Variants in BCKDHB observed in about 807,000 individuals in gnomAD.
BCKDHB encodes the protein branched chain keto acid dehydrogenase E1 subunit beta.
In BCKDHB, 41 loss-of-function variants were observed where a neutral mutation model predicts 48.5. The observed-to-expected ratio is 0.85, with a 90% CI of 0.66 to 1.10. The LOEUF (loss-of-function observed/expected upper bound fraction) is 1.10. Ranked by LOEUF, BCKDHB falls within the 50% of genes least tolerant of loss-of-function variation. The pLI, the probability that BCKDHB is intolerant of heterozygous loss-of-function variation, is 0.00. For synonymous variants in BCKDHB, 201 were observed against 174.8 expected (o/e 1.15, Z -1.18); for missense variants, 496 against 494.2 (o/e 1.00, Z -0.03).
At chr6:80,384,919 C>G in the BCKDHB span, among the ~76,000 whole-genome samples, 548 of 152,188 alleles carry the variant, frequency 3.6e-3, 3 homozygotes, top group Admixed American at 4.9e-3. Flanking sequence ...TGATTAGACT[C>G]CAAATTCTTA....
intron 9 of BCKDHB, chr6:80,307,834 A>G (rs779125638): frequency 2.9e-5 from 29 of 984,772 alleles, no homozygotes; most frequent in African/African-American, 5.2e-5. Flanking sequence ...GAATGTGTCT[A>G]TATGTGTTTT....
At chr6:80,437,772 C>T in the BCKDHB span, among the ~76,000 whole-genome samples, 1 of 152,170 alleles carries the variant, frequency 6.6e-6, no homozygotes, top group African/African-American at 2.4e-5. Context: ...CATAAATTTT[C>T]ATCAAACACT....
chr6:80,265,442 G>T (rs957623352), intron 8 of BCKDHB, among the ~76,000 whole-genome samples: 4 of 152,064 alleles, frequency 2.6e-5, no homozygotes, highest in Admixed American at 6.6e-5. Context: ...GTGAAATAAG[G>T]CAGTCACAAG....
chr6:80,363,775 T>C, the BCKDHB span, among the ~76,000 whole-genome samples: 1 of 152,220 alleles, frequency 6.6e-6, no homozygotes, highest in Non-Finnish European at 1.5e-5. Context: ...TCTTTTAAAA[T>C]AGACTTAACT....
At chr6:80,247,047 A>G (rs999845181) in intron 8 of BCKDHB, among the ~76,000 whole-genome samples, 13 of 152,334 alleles carry the variant, frequency 8.5e-5, no homozygotes, top group South Asian at 8.3e-4. Flanking sequence ...TGCCATATCT[A>G]TGAGTAACTT....
intron 9 of BCKDHB, among the ~76,000 whole-genome samples, chr6:80,318,188 A>T (rs968198386): frequency 4.6e-5 from 7 of 152,348 alleles, no homozygotes; most frequent in African/African-American, 1.7e-4. Context: ...AAATTTATTT[A>T]TTCAATTAAT....
chr6:80,416,816 A>G, the BCKDHB span, among the ~76,000 whole-genome samples: 2 of 149,596 alleles, frequency 1.3e-5, no homozygotes, highest in African/African-American at 4.9e-5. Context: ...AGTTTTAGGT[A>G]TTCTGGGTTT....
At chr6:80,377,027 A>G in the BCKDHB span, among the ~76,000 whole-genome samples, 13 of 141,768 alleles carry the variant, frequency 9.2e-5, no homozygotes, top group East Asian at 2.5e-3. Context: ...CCTTTGAATT[A>G]TAAAGGCTTT....
intron 6 of BCKDHB, among the ~76,000 whole-genome samples, chr6:80,190,052 C>G (rs2127804042): frequency 6.6e-6 from 1 of 152,118 alleles, no homozygotes; most frequent in Non-Finnish European, 1.5e-5. Flanking sequence ...ATACAGATTT[C>G]TAATGGAGGA....
chr6:80,210,627 C>T (rs747699384), intron 8 of BCKDHB, among the ~76,000 whole-genome samples: 8 of 152,108 alleles, frequency 5.3e-5, no homozygotes, highest in Non-Finnish European at 1.2e-4. Context: ...CTGTTTAATT[C>T]ATTTCCTTTA....
chr6:80,135,834 C>G (rs1770858581), intron 3 of BCKDHB: 1 of 152,166 alleles, frequency 6.6e-6, no homozygotes. Context: ...TCCCCATTTT[C>G]TCTCCAACAG....
intron 3 of BCKDHB, among the ~76,000 whole-genome samples, chr6:80,138,488 C>A (rs1420859701): frequency 2.0e-5 from 3 of 152,016 alleles, no homozygotes; most frequent in Non-Finnish European, 4.4e-5. Context: ...GTTCCCCGTC[C>A]TGTGTCCATG....
At chr6:80,235,883 A>G (rs533941811) in intron 8 of BCKDHB, among the ~76,000 whole-genome samples, 32 of 152,196 alleles carry the variant, frequency 2.1e-4, no homozygotes, top group Non-Finnish European at 3.5e-4. Flanking sequence ...GGCACTGGGA[A>G]CAACTGGTCA....
the BCKDHB span, among the ~76,000 whole-genome samples, chr6:80,396,339 ATCC>A: frequency 6.6e-6 from 1 of 152,334 alleles, no homozygotes; most frequent in South Asian, 2.1e-4. Flanking sequence ...CAATACCTCT[ATCC>A]TCATTATATC....
chr6:80,167,636 T>A (rs1461888939), intron 3 of BCKDHB, 42 bp from the exon 4 acceptor site: 1 of 1,546,680 alleles, frequency 6.5e-7, no homozygotes, highest in Non-Finnish European at 8.9e-7. Context: ...ATGACATTAC[T>A]CTCATTTGCC....
chr6:80,369,097 G>A, the BCKDHB span, among the ~76,000 whole-genome samples: 5 of 67,128 alleles, frequency 7.4e-5, no homozygotes, highest in African/African-American at 2.3e-4. Context: ...ACTGGCTACT[G>A]TCTTATTATT....
chr6:80,217,969 C>A (rs1775247437), intron 8 of BCKDHB, among the ~76,000 whole-genome samples: 1 of 152,156 alleles, frequency 6.6e-6, no homozygotes, highest in Non-Finnish European at 1.5e-5. Flanking sequence ...TAAATCAGAG[C>A]AGATGGGCCA....
intron 3 of BCKDHB, among the ~76,000 whole-genome samples, chr6:80,157,881 A>G (rs1011678391): frequency 6.6e-6 from 1 of 152,166 alleles, no homozygotes; most frequent in South Asian, 2.1e-4. Flanking sequence ...GTACATATCT[A>G]TTTCAACTAA....
intron 9 of BCKDHB, among the ~76,000 whole-genome samples, chr6:80,333,316 C>G (rs1769414005): frequency 6.6e-6 from 1 of 152,114 alleles, no homozygotes; most frequent in African/African-American, 2.4e-5. Flanking sequence ...GTCTTTACTA[C>G]TACATAAAGT....
Sources: allele counts gnomAD v4.1 joint callset (sites outside exome capture counted in the v4.1 genomes callset), GRCh38; gene constraint gnomAD v4.1.1; transcripts MANE v1.5; gene names NCBI Gene and HGNC (gene_info 2026-07-23, HGNC 2026-07-21).